NMNAT2: variants seen among roughly 807,000 people sequenced by gnomAD.
NMNAT2 encodes nicotinamide/nicotinic acid mononucleotide adenylyltransferase 2.
A neutral mutation model predicts 41.6 loss-of-function variants in NMNAT2; 11 were observed. The observed-to-expected ratio is 0.26, with a 90% CI of 0.17 to 0.44. NMNAT2 has a LOEUF of 0.44. Ranked by LOEUF, NMNAT2 falls within the 20% of genes least tolerant of loss-of-function variation. The probability of loss-of-function intolerance (pLI) is 1.00; values close to 1 mark genes in which losing one functional copy is unlikely to be tolerated. For missense variants in NMNAT2, 288 were observed against 407.7 expected (o/e 0.71, Z 2.53); for synonymous variants, 148 against 151.2 (o/e 0.98, Z 0.16).
intron 4 of NMNAT2, among the ~76,000 whole-genome samples, chr1:183,289,506 C>T (rs1253526974): frequency 6.6e-6 from 1 of 152,240 alleles, no homozygotes; most frequent in Non-Finnish European, 1.5e-5. Flanking sequence ...TATCTGTGTT[C>T]ACCAAACACT....
intron 1 of NMNAT2, among the ~76,000 whole-genome samples, chr1:183,334,346 C>T (rs1662640842): frequency 1.3e-5 from 2 of 152,006 alleles, no homozygotes; most frequent in South Asian, 4.2e-4. Context: ...GGATTACAGG[C>T]GTGAGCCACC....
intron 1 of NMNAT2, among the ~76,000 whole-genome samples, chr1:183,375,390 T>TC (rs1012462314): frequency 7.4e-4 from 113 of 152,088 alleles, no homozygotes; most frequent in Non-Finnish European, 1.2e-3. Context: ...CACACCCTAC[T>TC]CCCCACTTAC....
Position 183,293,866 on chromosome 1 carries a change from C to A in NMNAT2, c.86-73G>T, listed in dbSNP as rs139020088. On this transcript the variant is annotated intron_variant, in intron 1 of 10. Transcript: ENST00000287713. ...TTAAAGGTGATAATTGAAATCAATA[C>A]GCTCAGCTCTGTAATGCTGGGGTTT... 1.7e-3 allele frequency: 1,801 copies of A among 1,037,080 alleles called. 49 individuals carry two copies. The South Asian group carries it at 0.022, about 12-fold the overall frequency. 64.2% of individuals were successfully genotyped at this position (1,037,080 alleles called of 1,614,324 possible). A position where few individuals can be genotyped will look rare whatever the true frequency, so the allele number is the denominator to read the frequency against.
At chr1:183,409,953 C>A (rs1312012706) in intron 1 of NMNAT2, among the ~76,000 whole-genome samples, 1 of 152,186 alleles carries the variant, frequency 6.6e-6, no homozygotes, top group African/African-American at 2.4e-5. Context: ...TAGAATTTCT[C>A]ACTTATGTAT....
chr1:183,338,149 T>TAAAAAAAAAA (rs59064477), intron 1 of NMNAT2, among the ~76,000 whole-genome samples: 1 of 96,410 alleles, frequency 1.0e-5, no homozygotes, highest in Non-Finnish European at 1.9e-5. Context: ...CCCATCTCTT[T>TAAAAAAAAAA]AAAAAAAAAA....
chr1:183,386,421 A>G (rs1451493945), intron 1 of NMNAT2, among the ~76,000 whole-genome samples: 2 of 152,202 alleles, frequency 1.3e-5, no homozygotes, highest in Non-Finnish European at 2.9e-5. Flanking sequence ...GGGGGAAGTT[A>G]TATTCACCTA....
intron 1 of NMNAT2, among the ~76,000 whole-genome samples, chr1:183,327,857 T>C (rs1662502493): frequency 6.6e-6 from 1 of 152,168 alleles, no homozygotes; most frequent in African/African-American, 2.4e-5. Context: ...GCTACTGCTT[T>C]CCCTCCCTGT....
chr1:183,385,155 T>C (rs1337307783), intron 1 of NMNAT2, among the ~76,000 whole-genome samples: 1 of 152,122 alleles, frequency 6.6e-6, no homozygotes, highest in Non-Finnish European at 1.5e-5. Context: ...TGAGCTATGA[T>C]TGAGCCACTG....
intron 1 of NMNAT2, among the ~76,000 whole-genome samples, chr1:183,342,334 A>T (rs1282195084): frequency 2.6e-5 from 4 of 152,102 alleles, no homozygotes. Flanking sequence ...TCAAAACAAA[A>T]TTTTTCCAAA....
chr1:183,261,835 C>G (rs1660666830), intron 8 of NMNAT2, among the ~76,000 whole-genome samples: 1 of 152,190 alleles, frequency 6.6e-6, no homozygotes, highest in African/African-American at 2.4e-5. Context: ...ACTGGGCACC[C>G]AGGCTGTGAT....
intron 1 of NMNAT2, among the ~76,000 whole-genome samples, chr1:183,315,852 C>T (rs10911303): frequency 0.084 from 12,663 of 150,456 alleles, 545 homozygotes; most frequent in Admixed American, 0.11. Context: ...CACCATGGCA[C>T]GTGTATATCT....
chr1:183,302,525 T>G (rs1382759201), intron 1 of NMNAT2, among the ~76,000 whole-genome samples: 1 of 152,182 alleles, frequency 6.6e-6, no homozygotes, highest in Non-Finnish European at 1.5e-5. Flanking sequence ...GGAGGAATTA[T>G]CCCTCTAGCC....
intron 1 of NMNAT2, among the ~76,000 whole-genome samples, chr1:183,380,575 TGA>T (rs1184386890): frequency 6.6e-6 from 1 of 152,164 alleles, no homozygotes; most frequent in East Asian, 1.9e-4. Context: ...TATGGGAATA[TGA>T]GAGAGGGTGA....
intron 1 of NMNAT2, among the ~76,000 whole-genome samples, chr1:183,351,356 G>A (rs1358682298): frequency 1.3e-5 from 2 of 152,162 alleles, no homozygotes; most frequent in Non-Finnish European, 2.9e-5. Context: ...CATCAAAGTG[G>A]CAGACACCCA....
At chr1:183,376,952 C>G (rs1374214339) in intron 1 of NMNAT2, among the ~76,000 whole-genome samples, 1 of 152,000 alleles carries the variant, frequency 6.6e-6, no homozygotes, top group Non-Finnish European at 1.5e-5. Context: ...GGAACCCCAC[C>G]AAGGGCTTCC....
At chr1:183,332,791 A>G (rs1662611032) in intron 1 of NMNAT2, among the ~76,000 whole-genome samples, 1 of 152,158 alleles carries the variant, frequency 6.6e-6, no homozygotes, top group Non-Finnish European at 1.5e-5. Context: ...TTCTCTAGGG[A>G]TTCAGACTTA....
chr1:183,382,309 C>T (rs1663817743), intron 1 of NMNAT2, among the ~76,000 whole-genome samples: 1 of 152,222 alleles, frequency 6.6e-6, no homozygotes, highest in Non-Finnish European at 1.5e-5. Context: ...CCACCAGGCC[C>T]TTCCTCCAAC....
chr1:183,353,506 A>G (rs1394283157), intron 1 of NMNAT2, among the ~76,000 whole-genome samples: 1 of 152,200 alleles, frequency 6.6e-6, no homozygotes, highest in East Asian at 1.9e-4. Flanking sequence ...AAAGTCAATC[A>G]TTCTCTGAGG....
intron 1 of NMNAT2, among the ~76,000 whole-genome samples, chr1:183,346,646 G>A (rs1316631136): frequency 6.6e-6 from 1 of 152,164 alleles, no homozygotes; most frequent in African/African-American, 2.4e-5. Flanking sequence ...CCTTTACAGG[G>A]AAGTAACTTT....
Sources: gnomAD v4.1 joint callset for allele counts (sites outside exome capture counted in the v4.1 genomes callset) on GRCh38, gnomAD v4.1.1 for gene constraint, MANE v1.5 for transcripts, NCBI Gene and HGNC (gene_info 2026-07-23, HGNC 2026-07-21) for gene names.